Variants in COL23A1 observed in about 807,000 individuals in gnomAD.
COL23A1 encodes collagen type XXIII alpha 1 chain.
COL23A1 carries 97 observed loss-of-function variants against 99.3 expected under a neutral mutation model. The ratio of observed to expected loss-of-function variants is 0.98; its 90% confidence interval spans 0.83 to 1.16. COL23A1 has a LOEUF of 1.16. Ranked by LOEUF, COL23A1 falls within the 50% of genes most tolerant of loss-of-function variation. COL23A1 has a pLI of 0.00. For synonymous variants in COL23A1, 320 were observed against 308.2 expected (o/e 1.04, Z -0.40); for missense variants, 762 against 757.4 (o/e 1.01, Z -0.07).
chr5:178,244,480 C>T (rs992662320), intron 25 of COL23A1, among the ~76,000 whole-genome samples: 1 of 152,168 alleles, frequency 6.6e-6, no homozygotes, highest in Non-Finnish European at 1.5e-5. Context: ...GACAGTTCAG[C>T]GTTGACCTAA....
In COL23A1 at chr5:178,391,018, G is replaced by A. The variant is rs538365134; in HGVS notation, c.362-84099C>T. Among the ~76,000 whole-genome samples the A allele has an allele frequency of 2.0e-4, 30 of 152,284 alleles. No individual in the cohort carries two copies. The South Asian group carries it at 5.8e-3, about 29-fold the overall frequency. ...ACCAGTTTGTGGCCTGTTAGGAACC[G>A]GGCCTCACAGCAGGAGGTGAGTGGC... On this transcript the variant is annotated intron_variant, in intron 2 of 28. Coordinates refer to ENST00000390654, the MANE Select transcript of COL23A1 (RefSeq NM_173465.4).
At chr5:178,245,890 A>T in intron 25 of COL23A1, 52 bp downstream of exon 25, 1 of 1,602,310 alleles carries the variant, frequency 6.2e-7, no homozygotes, top group Non-Finnish European at 8.6e-7. Flanking sequence ...ATGAGGGCAG[A>T]AGATACACAC....
Position 178,258,262 on chromosome 5 carries a change from T to TATATATATACACAC in COL23A1, c.730-696_730-695insGTGTGTATATATAT. Among the ~76,000 whole-genome samples, 269 of 104,112 alleles carry TATATATATACACAC rather than the reference T, an allele frequency of 2.6e-3. 25 individuals carry two copies. The highest frequency in any genetic ancestry group is 5.0e-3 in the Non-Finnish European group (223 of 44,816). 68.3% of individuals were successfully genotyped at this position (104,112 alleles called of 152,430 possible). A position where few individuals can be genotyped will look rare whatever the true frequency, so the allele number is the denominator to read the frequency against. On this transcript the variant is annotated intron_variant, in intron 12 of 28. Coordinates refer to ENST00000390654, the MANE Select transcript of COL23A1 (RefSeq NM_173465.4). ...ATATATATATATATATATATATATA[T>TATATATATACACAC]ACACATGCAAATCAATTCTAGGCAC...
intron 2 of COL23A1, among the ~76,000 whole-genome samples, chr5:178,551,909 A>ACCCTC (rs1161812205): frequency 6.6e-6 from 1 of 151,286 alleles, no homozygotes; most frequent in African/African-American, 2.4e-5. Context: ...CCCTGGACTC[A>ACCCTC]CCCTCCCCTC....
At chr5:178,354,511 G>T (rs1761512428) in intron 2 of COL23A1, among the ~76,000 whole-genome samples, 1 of 152,132 alleles carries the variant, frequency 6.6e-6, no homozygotes, top group Non-Finnish European at 1.5e-5. Context: ...GGATCATGGG[G>T]GTGGTTTTAA....
intron 2 of COL23A1, among the ~76,000 whole-genome samples, chr5:178,453,919 T>C (rs975020700): frequency 5.3e-5 from 8 of 152,226 alleles, no homozygotes; most frequent in African/African-American, 1.9e-4. Flanking sequence ...TTCCTAGTTT[T>C]TCAGGGCCTT....
intron 3 of COL23A1, among the ~76,000 whole-genome samples, chr5:178,296,425 A>G (rs1054315052): frequency 1.3e-5 from 2 of 152,190 alleles, no homozygotes; most frequent in Non-Finnish European, 2.9e-5. Flanking sequence ...TACCATGCCC[A>G]GGGTCATGTC....
At chr5:178,479,053 G>C (rs1304315966) in intron 2 of COL23A1, among the ~76,000 whole-genome samples, 1 of 152,058 alleles carries the variant, frequency 6.6e-6, no homozygotes, top group Non-Finnish European at 1.5e-5. Context: ...TGCCAGGGCA[G>C]CCATCTCAGT....
chr5:178,245,140 ATCT>A (rs1217070259), intron 25 of COL23A1, among the ~76,000 whole-genome samples: 2 of 134,364 alleles, frequency 1.5e-5, no homozygotes, highest in Non-Finnish European at 3.1e-5. Context: ...TCCACTCATC[ATCT>A]ATCATCCATC....
intron 2 of COL23A1, among the ~76,000 whole-genome samples, chr5:178,352,614 G>C (rs1436027746): frequency 6.6e-6 from 1 of 152,210 alleles, no homozygotes; most frequent in Non-Finnish European, 1.5e-5. Context: ...TCTCTCCAGA[G>C]AGGAATGCTG....
At chr5:178,450,913 C>T (rs961970128) in intron 2 of COL23A1, among the ~76,000 whole-genome samples, 2 of 152,192 alleles carry the variant, frequency 1.3e-5, no homozygotes, top group African/African-American at 2.4e-5. Context: ...TTACCCTGTG[C>T]TGGGTACTAG....
intron 18 of COL23A1, 77 bp downstream of exon 18, chr5:178,249,984 C>G: frequency 6.8e-7 from 1 of 1,461,352 alleles, no homozygotes; most frequent in Non-Finnish European, 9.5e-7. Flanking sequence ...CACATGCACA[C>G]GCACACACAC....
intron 17 of COL23A1, among the ~76,000 whole-genome samples, chr5:178,251,652 G>C (rs1411053972): frequency 1.3e-5 from 2 of 152,172 alleles, no homozygotes; most frequent in Non-Finnish European, 2.9e-5. Context: ...GCTGAGGTTT[G>C]GGCTTCTAAT....
intron 1 of COL23A1, among the ~76,000 whole-genome samples, chr5:178,580,276 C>T (rs962865312): frequency 7.9e-5 from 12 of 151,014 alleles, no homozygotes; most frequent in Admixed American, 2.0e-4. Context: ...TGCAGTGAGC[C>T]GAGATCGTGC....
At position 178,365,877 on chromosome 5, in the gene COL23A1, G is replaced by A. The variant is rs1053066817; in HGVS notation, c.362-58958C>T. 2.0e-5 allele frequency among the ~76,000 whole-genome samples: 3 copies of A among 152,140 alleles called. No individual in the cohort carries two copies. The highest frequency in any genetic ancestry group is 4.4e-5 in the Non-Finnish European group (3 of 68,008). ...CACATGGGGAGCTCCTCGAGGGCAA[G>A]GCCTGGGAACATCTGGAGTCAGTGA... is the stretch of plus-strand genomic sequence containing the variant. On this transcript the variant is annotated intron_variant, in intron 2 of 28. Transcript: ENST00000390654. This position sits in a 1 kb window ranked among gnomAD's most constrained non-coding sequence, Gnocchi z 5.2.
chr5:178,311,901 T>C (rs977734032), intron 2 of COL23A1, among the ~76,000 whole-genome samples: 1 of 151,976 alleles, frequency 6.6e-6, no homozygotes, highest in Non-Finnish European at 1.5e-5. Context: ...TGGCTAATTT[T>C]TGTATTTTTA....
rs1384896550 is a variant in COL23A1 at position 178,415,783 on chromosome 5, G to A, written c.362-108864C>T. ...CCACAGAGAGCTCCCAGCCTAGCGG[G>A]AGGTAGACAGGCAAACAAGAAAGAC... On this transcript the variant is annotated intron_variant, in intron 2 of 28. Coordinates refer to ENST00000390654, the MANE Select transcript of COL23A1 (RefSeq NM_173465.4). The surrounding 1 kb of genome is among the most constrained non-coding windows in gnomAD (Gnocchi z 4.6). 3.9e-5 allele frequency among the ~76,000 whole-genome samples: 6 copies of A among 152,184 alleles called. No individual in the cohort carries two copies. Among genetic ancestry groups the A allele is most frequent in the Non-Finnish European group, 8.8e-5 (6 of 68,028 alleles).
chr5:178,575,018 G>A (rs1763278816), intron 1 of COL23A1, among the ~76,000 whole-genome samples: 2 of 152,226 alleles, frequency 1.3e-5, no homozygotes, highest in South Asian at 2.1e-4. Context: ...TGTGTCAGTC[G>A]CTTTTTCCTT....
At chr5:178,447,148 C>G (rs1190663931) in intron 2 of COL23A1, among the ~76,000 whole-genome samples, 1 of 151,252 alleles carries the variant, frequency 6.6e-6, no homozygotes, top group East Asian at 1.9e-4. Flanking sequence ...GGCTGGAGTG[C>G]AGAGGTACAA....
Sources: gnomAD v4.1 joint callset for allele counts (sites outside exome capture counted in the v4.1 genomes callset) on GRCh38, gnomAD v4.1.1 for gene constraint, Gnocchi (gnomAD v3.1) non-coding constraint, MANE v1.5 for transcripts, NCBI Gene and HGNC (gene_info 2026-07-23, HGNC 2026-07-21) for gene names.